CENPE: variants seen among roughly 807,000 people sequenced by gnomAD.
CENPE encodes the protein centromere-associated protein E.
CENPE carries 145 observed loss-of-function variants against 336.1 expected under a neutral mutation model. That is an observed-to-expected ratio of 0.43 (90% CI 0.38 to 0.50). The LOEUF (loss-of-function observed/expected upper bound fraction) is 0.50, where lower values mean the gene tolerates loss of function less well. Among genes scored for constraint, CENPE ranks in the 20% least tolerant of loss-of-function variants. The pLI is 0.00. For missense variants in CENPE, 2,719 were observed against 3,023.3 expected (o/e 0.90, Z 2.36); for synonymous variants, 1,013 against 984.8 (o/e 1.03, Z -0.54).
chr4:103,166,618 GAA>G (rs1435092477), intron 16 of CENPE, among the ~76,000 whole-genome samples: 7 of 152,200 alleles, frequency 4.6e-5, no homozygotes, highest in South Asian at 2.1e-4. Context: ...CTTTAAAAAT[GAA>G]AAGAGGTTGA....
intron 8 of CENPE, among the ~76,000 whole-genome samples, chr4:103,191,307 A>C (rs1333440693): frequency 1.3e-5 from 2 of 152,236 alleles, no homozygotes; most frequent in Non-Finnish European, 2.9e-5. Flanking sequence ...GTATATACCC[A>C]AAGGATTATA....
chr4:103,106,156 G>A lies in CENPE; in HGVS notation c.*66C>T. On this transcript the variant is annotated 3_prime_UTR_variant, in exon 49 of 49. Coordinates refer to ENST00000265148, the MANE Select transcript of CENPE (RefSeq NM_001813.3). Reference sequence around the variant, plus strand: ...CACTACAACATCATTACCAGGGATAGACACATAAACAAAGTCATTTCCAAA... The same window carrying A: ...CACTACAACATCATTACCAGGGATAAACACATAAACAAAGTCATTTCCAAA... 1 of 1,060,118 alleles carries A rather than the reference G, an allele frequency of 9.4e-7. No homozygotes were observed. Among genetic ancestry groups the A allele is most frequent in the Non-Finnish European group, 1.4e-6 (1 of 736,562 alleles). 65.7% of individuals were successfully genotyped at this position (1,060,118 alleles called of 1,614,324 possible).
intron 9 of CENPE, among the ~76,000 whole-genome samples, chr4:103,185,597 T>C (rs949475723): frequency 4.6e-5 from 7 of 152,132 alleles, no homozygotes; most frequent in African/African-American, 1.7e-4. Context: ...TTTCATTTTT[T>C]AATTGATGCT....
intron 46 of CENPE, 94 bp from the exon 47 acceptor site, chr4:103,111,105 G>C: frequency 3.2e-6 from 3 of 925,378 alleles, no homozygotes; most frequent in Middle Eastern, 6.6e-4. Flanking sequence ...AGCCATTATA[G>C]AGACCCAAAC....
intron 44 of CENPE, among the ~76,000 whole-genome samples, chr4:103,119,062 T>C (rs113737249): frequency 3.0e-4 from 46 of 152,282 alleles, no homozygotes; most frequent in African/African-American, 1.1e-3. Flanking sequence ...GTATATACAA[T>C]CATCTCTCTT....
At chr4:103,174,021 A>AT (rs1755647657) in intron 16 of CENPE, among the ~76,000 whole-genome samples, 1 of 152,002 alleles carries the variant, frequency 6.6e-6, no homozygotes, top group African/African-American at 2.4e-5. Context: ...AGGAACTTAA[A>AT]TGAGTATGTT....
At chr4:103,139,577 TATAAAA>T (rs1170020786) in intron 38 of CENPE, among the ~76,000 whole-genome samples, 5 of 152,170 alleles carry the variant, frequency 3.3e-5, no homozygotes, top group African/African-American at 1.2e-4. Context: ...TAACACAGTT[TATAAAA>T]ATAAAGAATT....
At position 103,114,541 on chromosome 4, in the gene CENPE, G is replaced by T. The variant is rs80310624; in HGVS notation, c.7454C>A (p.Thr2485Lys). Residue 2485 changes from threonine (T) to lysine (K), a missense_variant, in exon 46 of 49, where the codon ACA becomes AAA. Coordinates refer to ENST00000265148, the MANE Select transcript of CENPE (RefSeq NM_001813.3). ...CTTTTGATATTCTACAGTGGCTTTTGTAGCACTGATTCTAACAAAAACAAT... is the reference window on the plus strand; with the variant it reads ...CTTTTGATATTCTACAGTGGCTTTTTTAGCACTGATTCTAACAAAAACAAT... ...AKEFEKEISA[T>K]KATVEYQKEV... 1 of 1,600,160 alleles carries T rather than the reference G, an allele frequency of 6.2e-7. No homozygotes were observed. Among genetic ancestry groups the T allele is most frequent in the Non-Finnish European group, 8.5e-7 (1 of 1,169,908 alleles).
Position 103,194,622 on chromosome 4 carries a change from T to C in CENPE, c.540A>G (p.Lys180=). Residue 180 remains lysine, a synonymous_variant, in exon 6 of 49, where the codon AAA becomes AAG. Coordinates refer to ENST00000265148, the MANE Select transcript of CENPE (RefSeq NM_001813.3). ...TCTTACTTTCTCCCTTTGTAATCCA[T>C]TTCAAAGCCATTTCTGATGTATATA... is the stretch of plus-strand genomic sequence containing the variant. ...EVVYTSEMAL[K]WITKGEKSRH... 1.2e-6 allele frequency: 2 copies of C among 1,608,848 alleles called. No homozygotes were observed. The highest frequency in any genetic ancestry group is 1.7e-6 in the Non-Finnish European group (2 of 1,177,992).
intron 24 of CENPE, among the ~76,000 whole-genome samples, chr4:103,153,554 T>C (rs1160384837): frequency 6.6e-6 from 1 of 152,214 alleles, no homozygotes; most frequent in Non-Finnish European, 1.5e-5. Flanking sequence ...ATCAGAACAA[T>C]ATGGACAACT....
intron 25 of CENPE, among the ~76,000 whole-genome samples, chr4:103,151,673 T>C (rs1467513313): frequency 6.6e-6 from 1 of 152,178 alleles, no homozygotes; most frequent in Non-Finnish European, 1.5e-5. Flanking sequence ...AAAGAGACTT[T>C]TTCTGAGCTA....
At position 103,151,843 on chromosome 4, in the gene CENPE, A is replaced by T. The variant is rs113653199; in HGVS notation, c.3238-466T>A. ...ATTAGGCTCACACAGTGACATTCTCACGTATCAAGACCACAAAAACATAAC... is the reference window on the plus strand; with the variant it reads ...ATTAGGCTCACACAGTGACATTCTCTCGTATCAAGACCACAAAAACATAAC... On this transcript the variant is annotated intron_variant, in intron 25 of 48. Transcript: ENST00000265148. Among the ~76,000 whole-genome samples the T allele has an allele frequency of 1.7e-3, 253 of 152,320 alleles. 3 individuals are homozygous for T. Among genetic ancestry groups the T allele is most frequent in the African/African-American group, 5.7e-3 (237 of 41,578 alleles).
intron 34 of CENPE, among the ~76,000 whole-genome samples, chr4:103,143,003 C>CAAAA (rs1168385683): frequency 1.7e-3 from 107 of 62,792 alleles, no homozygotes; most frequent in East Asian, 2.9e-3. Context: ...GACTCTGTCT[C>CAAAA]AAAAAAAAAA....
rs1247924035 is a variant in CENPE at position 103,163,195 on chromosome 4, T to C, written c.1784A>G (p.Gln595Arg). 5.0e-6 allele frequency: 8 copies of C among 1,608,038 alleles called. No individual in the cohort carries two copies. Among genetic ancestry groups the C allele is most frequent in the Non-Finnish European group, 5.1e-6 (6 of 1,175,432 alleles). Residue 595 changes from glutamine (Q) to arginine (R), a missense_variant, in exon 18 of 49, where the codon CAG becomes CGG. Coordinates refer to ENST00000265148, the MANE Select transcript of CENPE (RefSeq NM_001813.3). The part of the protein sequence containing the change: ...REKEDQIKKL[Q>R]EYIDSQKLEN... ...TAGCTTTTGAGAGTCTATGTATTCC[T>C]GTAGCTTCTTAATCTGGTCTTCCTT... is the stretch of plus-strand genomic sequence containing the variant.
At chr4:103,133,668 A>G in intron 41 of CENPE, 27 bp downstream of exon 41, 1 of 1,453,738 alleles carries the variant, frequency 6.9e-7, no homozygotes, top group Non-Finnish European at 9.5e-7. Flanking sequence ...TTAAAATCTA[A>G]CTAAATCCAT....
At chr4:103,121,247 T>C (rs1750594981) in intron 43 of CENPE, among the ~76,000 whole-genome samples, 1 of 152,212 alleles carries the variant, frequency 6.6e-6, no homozygotes, top group African/African-American at 2.4e-5. Flanking sequence ...ATATACTAAA[T>C]ATAGTTCTGC....
At chr4:103,163,608 C>CAAAAAAAAAAAAAAAAGAAAAA (rs1754651055) in intron 16 of CENPE, 55 bp from the exon 17 acceptor site, 3 of 280,018 alleles carry the variant, frequency 1.1e-5, no homozygotes, top group African/African-American at 3.1e-5. Flanking sequence ...TAAAGCAAAG[C>CAAAAAAAAAAAAAAAAGAAAAA]AAAAAAAAAA....
intron 33 of CENPE, among the ~76,000 whole-genome samples, chr4:103,143,823 C>G (rs1294112606): frequency 2.6e-5 from 4 of 152,308 alleles, no homozygotes; most frequent in African/African-American, 7.2e-5. Flanking sequence ...ATAGTTACAA[C>G]TGGACTTGTG....
At chr4:103,187,494 C>T (rs1756887257) in intron 8 of CENPE, among the ~76,000 whole-genome samples, 1 of 152,146 alleles carries the variant, frequency 6.6e-6, no homozygotes, top group African/African-American at 2.4e-5. Context: ...GGCCAATATT[C>T]AACATTCTTA....
Sources: gnomAD v4.1 joint callset for allele counts (sites outside exome capture counted in the v4.1 genomes callset) on GRCh38, gnomAD v4.1.1 for gene constraint, MANE v1.5 for transcripts, NCBI Gene and HGNC (gene_info 2026-07-23, HGNC 2026-07-21) for gene names.